The following TMPRSS15 variants were observed in gnomAD, a reference collection of about 807,000 sequenced individuals.
TMPRSS15 encodes the protein transmembrane serine protease 15, also known as enteropeptidase.
A neutral mutation model predicts 125.3 loss-of-function variants in TMPRSS15; 128 were observed. That is an observed-to-expected ratio of 1.02 (90% confidence interval 0.89 to 1.18). The LOEUF is 1.18. Ranked by LOEUF, TMPRSS15 falls within the 50% of genes most tolerant of loss-of-function variation. The pLI is 0.00. For missense variants in TMPRSS15, 1,283 were observed against 1,212.7 expected (o/e 1.06, Z -0.86); for synonymous variants, 446 against 423.2 (o/e 1.05, Z -0.66).
intron 21 of TMPRSS15, among the ~76,000 whole-genome samples, chr21:18,282,413 A>T (rs763136709): frequency 6.4e-4 from 98 of 152,218 alleles, no homozygotes; most frequent in Admixed American, 1.0e-3. Flanking sequence ...AGAGCTATTG[A>T]TTCAATTCTT....
intron 1 of TMPRSS15, among the ~76,000 whole-genome samples, chr21:18,450,602 G>A (rs2076266062): frequency 6.6e-6 from 1 of 152,088 alleles, no homozygotes; most frequent in South Asian, 2.1e-4. Context: ...TTCCTTTACT[G>A]GACTGTGCTC....
intron 19 of TMPRSS15, among the ~76,000 whole-genome samples, chr21:18,295,191 G>C (rs181202606): frequency 1.2e-4 from 18 of 152,272 alleles, no homozygotes; most frequent in Admixed American, 1.0e-3. Flanking sequence ...TTCAAGGAAG[G>C]CAGACACGTA....
At chr21:18,405,546 C>T (rs1422340436), upstream of TMPRSS15, among the ~76,000 whole-genome samples, 1 of 152,116 alleles carries the variant, frequency 6.6e-6, no homozygotes, top group Non-Finnish European at 1.5e-5. Context: ...GTATCAGTCC[C>T]AGCAAAGAAA....
intron 24 of TMPRSS15, among the ~76,000 whole-genome samples, chr21:18,273,351 A>G (rs894266921): frequency 1.3e-5 from 2 of 152,232 alleles, no homozygotes; most frequent in South Asian, 2.1e-4. Context: ...TAAAGAATGC[A>G]TTCTTATTTA....
intron 16 of TMPRSS15, among the ~76,000 whole-genome samples, chr21:18,323,244 C>T (rs536431951): frequency 3.9e-5 from 6 of 152,198 alleles, no homozygotes; most frequent in Non-Finnish European, 8.8e-5. Context: ...TCTCATGCTG[C>T]TAATAAAGAC....
upstream of TMPRSS15, among the ~76,000 whole-genome samples, chr21:18,406,989 A>G (rs1184130660): frequency 1.3e-5 from 2 of 152,354 alleles, no homozygotes; most frequent in Non-Finnish European, 2.9e-5. Flanking sequence ...GTACTAAACT[A>G]GAAATAATAA....
chr21:18,470,530 A>G (rs192984524), intron 1 of TMPRSS15, among the ~76,000 whole-genome samples: 31 of 152,200 alleles, frequency 2.0e-4, no homozygotes, highest in African/African-American at 5.5e-4. Flanking sequence ...GTGATGGTTA[A>G]GTGTGTATAA....
intron 1 of TMPRSS15, among the ~76,000 whole-genome samples, chr21:18,454,499 G>A (rs1194164063): frequency 6.6e-6 from 1 of 152,088 alleles, no homozygotes; most frequent in African/African-American, 2.4e-5. Context: ...ATATGCCAGT[G>A]AGCAAACTGG....
intron 13 of TMPRSS15, among the ~76,000 whole-genome samples, chr21:18,338,726 G>C (rs1426293965): frequency 2.0e-5 from 2 of 99,096 alleles, no homozygotes; most frequent in Non-Finnish European, 4.1e-5. Context: ...CAGAGAGAGA[G>C]ATAAAGAGAG....
chr21:18,349,552 G>A (rs1272895773), intron 10 of TMPRSS15, among the ~76,000 whole-genome samples: 1 of 152,276 alleles, frequency 6.6e-6, no homozygotes, highest in Middle Eastern at 3.4e-3. Flanking sequence ...GGAACATCCA[G>A]AAATATTTAA....
chr21:18,369,647 T>C (rs2147041673), intron 6 of TMPRSS15, among the ~76,000 whole-genome samples: 1 of 151,410 alleles, frequency 6.6e-6, no homozygotes, highest in Admixed American at 6.6e-5. Context: ...AATAAATAAA[T>C]CAATAAGAGA....
chr21:18,355,519 A>G (rs770310338), intron 8 of TMPRSS15, among the ~76,000 whole-genome samples: 1 of 151,800 alleles, frequency 6.6e-6, no homozygotes, highest in Non-Finnish European at 1.5e-5. Context: ...TCCTTGCCTA[A>G]TAAGAGTCCC....
chr21:18,306,959 T>C (rs756302054), intron 18 of TMPRSS15, among the ~76,000 whole-genome samples: 19 of 152,192 alleles, frequency 1.2e-4, no homozygotes, highest in Non-Finnish European at 2.4e-4. Flanking sequence ...TCATAGGATT[T>C]ACTAGAATCT....
At chr21:18,304,360 C>T (rs753570099) in intron 18 of TMPRSS15, among the ~76,000 whole-genome samples, 6 of 152,070 alleles carry the variant, frequency 3.9e-5, no homozygotes, top group Non-Finnish European at 7.4e-5. Context: ...TTGTTTTCTA[C>T]TGAAATGAGT....
At position 18,332,127 on chromosome 21, in the gene TMPRSS15, G is replaced by A. The variant is rs1187338351; in HGVS notation, c.1611C>T (p.Phe537=). ...AGCTGTTTGGAAAGTTCGTAGAACT[G>A]AATGTTGTATTTGGCTCCCACAGCT... ...PFELWEPNTT[F]SSTNFPNSYP... Residue 537 remains phenylalanine, a synonymous_variant, in exon 14 of 25, where the codon TTC becomes TTT. Coordinates refer to ENST00000284885, the MANE Select transcript of TMPRSS15 (RefSeq NM_002772.3). The A allele has an allele frequency of 1.2e-6, 2 of 1,614,126 alleles. No individual in the cohort carries two copies. Among genetic ancestry groups the A allele is most frequent in the South Asian group, 2.2e-5 (2 of 91,080 alleles).
intron 10 of TMPRSS15, among the ~76,000 whole-genome samples, chr21:18,346,662 C>T (rs2075512237): frequency 6.6e-6 from 1 of 152,190 alleles, no homozygotes; most frequent in African/African-American, 2.4e-5. Context: ...GTCTGTTGCG[C>T]TATCTCACCA....
chr21:18,442,879 C>G (rs2250007), intron 1 of TMPRSS15, among the ~76,000 whole-genome samples: 117,667 of 152,140 alleles, frequency 0.77, 46,201 homozygotes, highest in East Asian at 0.88. Context: ...AATTCTATTT[C>G]GCCTGAAAAA....
intron 8 of TMPRSS15, among the ~76,000 whole-genome samples, chr21:18,358,234 C>T (rs1031392904): frequency 3.3e-5 from 5 of 151,730 alleles, no homozygotes; most frequent in African/African-American, 1.2e-4. Flanking sequence ...ACCACTTATT[C>T]AGCCCTCAAC....
At chr21:18,337,018 G>A (rs914298148) in intron 13 of TMPRSS15, among the ~76,000 whole-genome samples, 2 of 152,214 alleles carry the variant, frequency 1.3e-5, no homozygotes, top group Non-Finnish European at 2.9e-5. Flanking sequence ...TTAGCTCTAA[G>A]TATTAGGTCA....
Sources: allele counts gnomAD v4.1 joint callset (sites outside exome capture counted in the v4.1 genomes callset), GRCh38; gene constraint gnomAD v4.1.1; transcripts MANE v1.5; gene names NCBI Gene and HGNC (gene_info 2026-07-23, HGNC 2026-07-21).